Variants in SDCCAG8 observed in about 807,000 individuals in gnomAD.
SDCCAG8 encodes the protein SHH signaling and ciliogenesis regulator SDCCAG8, also known as serologically defined colon cancer antigen 8.
Under a neutral mutation model 101.8 loss-of-function variants are expected in SDCCAG8, and 74 were observed. The observed-to-expected ratio is 0.73, with a 90% CI of 0.60 to 0.88. SDCCAG8 has a LOEUF of 0.88. Ranked by LOEUF, SDCCAG8 falls within the 40% of genes least tolerant of loss-of-function variation. SDCCAG8 has a pLI of 0.00. For missense variants in SDCCAG8, 787 were observed against 822.6 expected (o/e 0.96, Z 0.53); for synonymous variants, 281 against 292.9 (o/e 0.96, Z 0.41).
intron 16 of SDCCAG8, among the ~76,000 whole-genome samples, chr1:243,442,096 T>C (rs2082575944): frequency 6.6e-6 from 1 of 152,222 alleles, no homozygotes; most frequent in African/African-American, 2.4e-5. Flanking sequence ...AATGAATTCA[T>C]GTTGGTTAAT....
At chr1:243,367,429 G>A (rs1233394027) in intron 12 of SDCCAG8, among the ~76,000 whole-genome samples, 1 of 151,700 alleles carries the variant, frequency 6.6e-6, no homozygotes, top group Non-Finnish European at 1.5e-5. Flanking sequence ...AGGGTTAGGT[G>A]TAGTTTTTTT....
At chr1:243,349,401 G>A (rs567350665) in intron 12 of SDCCAG8, among the ~76,000 whole-genome samples, 11 of 152,350 alleles carry the variant, frequency 7.2e-5, no homozygotes, top group African/African-American at 2.2e-4. Flanking sequence ...CAACAGCAGA[G>A]TTGAGGAGTT....
intron 9 of SDCCAG8, among the ~76,000 whole-genome samples, chr1:243,323,003 T>C (rs762200138): frequency 1.4e-4 from 22 of 151,788 alleles, no homozygotes; most frequent in Admixed American, 1.2e-3. Context: ...GGCATGGTGG[T>C]GTGCGCCTGT....
intron 4 of SDCCAG8, among the ~76,000 whole-genome samples, chr1:243,282,698 G>A (rs2069170809): frequency 6.6e-6 from 1 of 151,992 alleles, no homozygotes; most frequent in Non-Finnish European, 1.5e-5. Flanking sequence ...CTAGGTTGGT[G>A]GGTTTTTTCT....
intron 9 of SDCCAG8, among the ~76,000 whole-genome samples, chr1:243,320,605 A>G (rs921446725): frequency 6.6e-6 from 1 of 152,112 alleles, no homozygotes; most frequent in African/African-American, 2.4e-5. Context: ...TTCTGGCCCC[A>G]CCATTCACTG....
intron 6 of SDCCAG8, among the ~76,000 whole-genome samples, chr1:243,295,691 C>T (rs1246607111): frequency 6.6e-6 from 1 of 152,092 alleles, no homozygotes; most frequent in African/African-American, 2.4e-5. Context: ...CCCTTCTTAC[C>T]CTCTACCTAT....
At chr1:243,320,506 G>A (rs1386930805) in intron 9 of SDCCAG8, among the ~76,000 whole-genome samples, 1 of 152,050 alleles carries the variant, frequency 6.6e-6, no homozygotes, top group Non-Finnish European at 1.5e-5. Context: ...CTCGCGCCCT[G>A]TCTCCCAGTA....
intron 16 of SDCCAG8, among the ~76,000 whole-genome samples, chr1:243,437,019 A>G (rs1420471207): frequency 2.6e-5 from 4 of 152,292 alleles, no homozygotes; most frequent in Middle Eastern, 3.4e-3. Context: ...CTTTCAGTCA[A>G]TTCACTCTCT....
intron 16 of SDCCAG8, among the ~76,000 whole-genome samples, chr1:243,455,744 T>C (rs2083693313): frequency 6.6e-6 from 1 of 152,218 alleles, no homozygotes; most frequent in Admixed American, 6.5e-5. Flanking sequence ...ATTTACAAAA[T>C]GGATTAGTTA....
intron 8 of SDCCAG8, among the ~76,000 whole-genome samples, chr1:243,311,144 A>T (rs2072679340): frequency 6.6e-6 from 1 of 152,220 alleles, no homozygotes; most frequent in South Asian, 2.1e-4. Flanking sequence ...AGCATTGTTT[A>T]TAATTATGTG....
At chr1:243,433,872 T>C (rs553994685) in intron 16 of SDCCAG8, among the ~76,000 whole-genome samples, 21 of 152,170 alleles carry the variant, frequency 1.4e-4, no homozygotes, top group Non-Finnish European at 2.6e-4. Context: ...TAAAATTTGG[T>C]TTTTATAAGC....
intron 7 of SDCCAG8, chr1:243,307,718 G>A: frequency 7.4e-7 from 1 of 1,350,268 alleles, no homozygotes; most frequent in Non-Finnish European, 9.5e-7. Flanking sequence ...AAGAGAGCCA[G>A]TGTCAGGCGG....
At chr1:243,484,814 G>C (rs1664448880) in intron 16 of SDCCAG8, among the ~76,000 whole-genome samples, 1 of 152,220 alleles carries the variant, frequency 6.6e-6, no homozygotes, top group Admixed American at 6.5e-5. Context: ...GGGAGGCCAA[G>C]GCGGGCAGAT....
chr1:243,355,937 G>T (rs577527572), intron 12 of SDCCAG8, among the ~76,000 whole-genome samples: 1 of 152,246 alleles, frequency 6.6e-6, no homozygotes, highest in South Asian at 2.1e-4. Flanking sequence ...TGCTTAGAAT[G>T]TTCTGCAAAG....
At position 243,370,163 on chromosome 1, in the gene SDCCAG8, C is replaced by G. The variant is rs535275484; in HGVS notation, c.1474-8558C>G. 3.9e-5 allele frequency among the ~76,000 whole-genome samples: 6 copies of G among 152,068 alleles called. No individual in the cohort carries two copies. The South Asian group carries it at 8.3e-4, about 21-fold the overall frequency. On this transcript the variant is annotated intron_variant, in intron 12 of 17. Transcript: ENST00000366541. ...TTCCTTTACACCTTTTATGTCTGCT[C>G]CTAGCATCAGCAGACATAAAAAGTC...
intron 16 of SDCCAG8, among the ~76,000 whole-genome samples, chr1:243,465,698 C>G (rs775883469): frequency 2.0e-5 from 3 of 152,184 alleles, no homozygotes; most frequent in Non-Finnish European, 2.9e-5. Flanking sequence ...TTAAATGTCT[C>G]TGAAATGTAA....
At chr1:243,442,056 TA>T (rs777638191) in intron 16 of SDCCAG8, among the ~76,000 whole-genome samples, 5 of 152,252 alleles carry the variant, frequency 3.3e-5, no homozygotes, top group Admixed American at 6.5e-5. Flanking sequence ...TTCGTATTTT[TA>T]CAAAATACCT....
intron 16 of SDCCAG8, among the ~76,000 whole-genome samples, chr1:243,428,256 AT>A (rs1310772369): frequency 2.6e-5 from 4 of 152,240 alleles, no homozygotes; most frequent in African/African-American, 9.6e-5. Context: ...TGGCAAATTA[AT>A]GGTTCGTTCA....
intron 12 of SDCCAG8, among the ~76,000 whole-genome samples, chr1:243,355,658 TGCGGTG>T (rs147938578): frequency 0.01 from 1,551 of 152,248 alleles, 18 homozygotes; most frequent in Non-Finnish European, 0.013. Context: ...CAGGCTGGAG[TGCGGTG>T]GCACAATCTC....
Sources: allele counts gnomAD v4.1 joint callset (sites outside exome capture counted in the v4.1 genomes callset), GRCh38; gene constraint gnomAD v4.1.1; transcripts MANE v1.5; gene names NCBI Gene and HGNC (gene_info 2026-07-23, HGNC 2026-07-21).